The following EPHA7 variants were observed in gnomAD, a reference collection of about 807,000 sequenced individuals.
EPHA7 encodes the protein ephrin type-A receptor 7.
EPHA7 carries 25 observed loss-of-function variants against 112.6 expected under a neutral mutation model. The observed-to-expected ratio is 0.22, with a 90% confidence interval of 0.16 to 0.31. EPHA7 has a LOEUF of 0.31. Ranked by LOEUF, EPHA7 falls within the 10% of genes least tolerant of loss-of-function variation. The probability of loss-of-function intolerance (pLI) is 1.00; values close to 1 mark genes in which losing one functional copy is unlikely to be tolerated. For synonymous variants in EPHA7, 437 were observed against 406.5 expected (o/e 1.07, Z -0.90); for missense variants, 962 against 1,212.6 (o/e 0.79, Z 3.07).
chr6:93,358,192 T>C (rs1776052611), intron 4 of EPHA7, 64 bp downstream of exon 4: 2 of 1,240,008 alleles, frequency 1.6e-6, no homozygotes, highest in Non-Finnish European at 2.1e-6. Context: ...ATTTCATTGA[T>C]GTCACAACAG....
At chr6:93,313,942 C>A (rs1045976821) in intron 5 of EPHA7, among the ~76,000 whole-genome samples, 1 of 152,016 alleles carries the variant, frequency 6.6e-6, no homozygotes. Context: ...AGTTTAGAGA[C>A]GATGTTTCTC....
chr6:93,288,088 G>T (rs904734572), intron 5 of EPHA7, among the ~76,000 whole-genome samples: 3 of 151,932 alleles, frequency 2.0e-5, no homozygotes, highest in Non-Finnish European at 4.4e-5. Context: ...TTATCTACCC[G>T]CAAGAAATGA....
intron 3 of EPHA7, among the ~76,000 whole-genome samples, chr6:93,380,506 C>T (rs1379845956): frequency 1.3e-5 from 2 of 151,980 alleles, no homozygotes. Context: ...GATTGCATTT[C>T]GTGAATATTC....
intron 3 of EPHA7, among the ~76,000 whole-genome samples, chr6:93,367,266 G>T (rs187895333): frequency 6.6e-6 from 1 of 152,202 alleles, no homozygotes; most frequent in African/African-American, 2.4e-5. Flanking sequence ...TTTCAGACAG[G>T]AGGCACAATT....
At chr6:93,350,398 A>T (rs915798762) in intron 5 of EPHA7, among the ~76,000 whole-genome samples, 6 of 152,032 alleles carry the variant, frequency 3.9e-5, no homozygotes, top group African/African-American at 1.4e-4. Flanking sequence ...AGTGTATTTG[A>T]TTGCAATCAT....
At chr6:93,380,019 C>T (rs759422885) in intron 3 of EPHA7, among the ~76,000 whole-genome samples, 1 of 152,090 alleles carries the variant, frequency 6.6e-6, no homozygotes, top group South Asian at 2.1e-4. Flanking sequence ...TTCCTCCATA[C>T]TAACTAAAGC....
At chr6:93,332,192 T>C (rs1774628235) in intron 5 of EPHA7, among the ~76,000 whole-genome samples, 1 of 151,532 alleles carries the variant, frequency 6.6e-6, no homozygotes, top group African/African-American at 2.4e-5. Flanking sequence ...TAAGATTAAG[T>C]GTAGTACAGT....
At chr6:93,402,195 CCT>C (rs1562159245) in intron 3 of EPHA7, among the ~76,000 whole-genome samples, 2 of 151,938 alleles carry the variant, frequency 1.3e-5, no homozygotes, top group Non-Finnish European at 2.9e-5. Flanking sequence ...TGTTCTCCCC[CCT>C]TTCATCAGTT....
intron 5 of EPHA7, among the ~76,000 whole-genome samples, chr6:93,343,496 A>T (rs1009011263): frequency 6.6e-6 from 1 of 151,784 alleles, no homozygotes; most frequent in East Asian, 1.9e-4. Context: ...TCAGAGAATT[A>T]TCTGTTTATA....
Position 93,243,020 on chromosome 6 carries a change from T to C in EPHA7, c.*406A>G, listed in dbSNP as rs1227481877. The C allele has an allele frequency of 4.5e-6, 1 of 221,410 alleles. No individual in the cohort carries two copies. The highest frequency in any genetic ancestry group is 9.0e-6 in the Non-Finnish European group (1 of 110,506). 13.7% of individuals were successfully genotyped at this position (221,410 alleles called of 1,614,324 possible). A position where few individuals can be genotyped will look rare whatever the true frequency, so the allele number is the denominator to read the frequency against. ...AAACACAAATGATTTTAAAAAGGAATAGTCTGAAATCACATATTTAAGGAA... is the reference window on the plus strand; with the variant it reads ...AAACACAAATGATTTTAAAAAGGAACAGTCTGAAATCACATATTTAAGGAA... On this transcript the variant is annotated 3_prime_UTR_variant, in exon 17 of 17. Coordinates refer to ENST00000369303, the MANE Select transcript of EPHA7 (RefSeq NM_004440.4).
chr6:93,411,214 A>G (rs753775313), intron 2 of EPHA7, 44 bp from the exon 3 acceptor site: 1 of 1,526,032 alleles, frequency 6.6e-7, no homozygotes, highest in Non-Finnish European at 8.9e-7. Context: ...AGCAAAAAAT[A>G]ACATTTTGCT....
intron 6 of EPHA7, among the ~76,000 whole-genome samples, chr6:93,270,384 T>C (rs1771154253): frequency 6.6e-6 from 1 of 151,568 alleles, no homozygotes; most frequent in African/African-American, 2.4e-5. Context: ...ATCAAACATA[T>C]TTTATGTGCA....
At chr6:93,352,684 G>T (rs1775752923) in intron 5 of EPHA7, among the ~76,000 whole-genome samples, 1 of 151,972 alleles carries the variant, frequency 6.6e-6, no homozygotes, top group Non-Finnish European at 1.5e-5. Context: ...AGTGTAGTTG[G>T]ACAAACTAAT....
intron 5 of EPHA7, among the ~76,000 whole-genome samples, chr6:93,298,593 G>A (rs1048755655): frequency 6.6e-6 from 1 of 152,110 alleles, no homozygotes; most frequent in African/African-American, 2.4e-5. Context: ...AAGAGACACT[G>A]ATACACACTA....
rs759989641 is a variant in EPHA7, at chr6:93,246,742, T to C, written c.2726+50A>G. The C allele has an allele frequency of 1.2e-5, 18 of 1,491,384 alleles. 1 individual carries two copies. In the Middle Eastern group the frequency reaches 1.6e-3, roughly 129 times the overall value. 92.4% of individuals were successfully genotyped at this position (1,491,384 alleles called of 1,614,324 possible). A position where few individuals can be genotyped will look rare whatever the true frequency, so the allele number is the denominator to read the frequency against. ...TGGGGTGGAGGAGATAAATGGTTTA[T>C]GTTACTATTGTAATTTCTCCCAGAT... On this transcript the variant is annotated intron_variant, in intron 15 of 16. Coordinates refer to ENST00000369303, the MANE Select transcript of EPHA7 (RefSeq NM_004440.4).
chr6:93,305,885 G>C (rs1349230308), intron 5 of EPHA7, among the ~76,000 whole-genome samples: 2 of 151,752 alleles, frequency 1.3e-5, no homozygotes, highest in Non-Finnish European at 2.9e-5. Context: ...ATTTTATATA[G>C]TCACTATTAT....
intron 5 of EPHA7, among the ~76,000 whole-genome samples, chr6:93,314,792 TAA>T (rs1340781963): frequency 1.4e-4 from 22 of 151,856 alleles, no homozygotes; most frequent in Admixed American, 3.3e-4. Flanking sequence ...TTAAAAATGT[TAA>T]GTCACTATGA....
At chr6:93,267,345 T>C (rs1770993552) in intron 7 of EPHA7, among the ~76,000 whole-genome samples, 1 of 151,732 alleles carries the variant, frequency 6.6e-6, no homozygotes, top group South Asian at 2.1e-4. Context: ...AATTGAGTAC[T>C]ACTATACTAG....
At chr6:93,332,372 T>C (rs1054950243) in intron 5 of EPHA7, among the ~76,000 whole-genome samples, 8 of 151,730 alleles carry the variant, frequency 5.3e-5, no homozygotes, top group African/African-American at 1.7e-4. Context: ...CAAATTATAT[T>C]TCTAGTAAGT....
Sources: gnomAD v4.1 joint callset for allele counts (sites outside exome capture counted in the v4.1 genomes callset) on GRCh38, gnomAD v4.1.1 for gene constraint, MANE v1.5 for transcripts, NCBI Gene and HGNC (gene_info 2026-07-23, HGNC 2026-07-21) for gene names.